The following PRR11 variants were observed in gnomAD, a reference collection of about 807,000 sequenced individuals.
PRR11 encodes proline rich 11.
PRR11 carries 30 observed loss-of-function variants against 45.6 expected under a neutral mutation model. That is an observed-to-expected ratio of 0.66 (90% CI 0.49 to 0.89). The LOEUF is 0.89. Among genes scored for constraint, PRR11 ranks in the 40% least tolerant of loss-of-function variants. The pLI is 0.00. For missense variants in PRR11, 373 were observed against 424.8 expected, an observed-to-expected ratio of 0.88 and a Z score of 1.07; for synonymous variants, 128 against 153.5, an observed-to-expected ratio of 0.83 and a Z score of 1.23.
intron 1 of PRR11, among the ~76,000 whole-genome samples, chr17:59,162,805 C>T (rs1001026168): frequency 3.4e-5 from 5 of 149,200 alleles, no homozygotes; most frequent in Non-Finnish European, 7.4e-5. Flanking sequence ...CTCGGCTCAC[C>T]GCAACCTCCA....
chr17:59,176,183 G>A (rs2046744370), intron 2 of PRR11, among the ~76,000 whole-genome samples: 2 of 152,180 alleles, frequency 1.3e-5, no homozygotes, highest in African/African-American at 2.4e-5. Flanking sequence ...ACGCAAAGTC[G>A]AGTGGAGGGC....
intron 1 of PRR11, among the ~76,000 whole-genome samples, chr17:59,161,207 G>C (rs552503695): frequency 6.6e-6 from 1 of 152,162 alleles, no homozygotes; most frequent in South Asian, 2.1e-4. Flanking sequence ...AGCAGTTCAA[G>C]ACCAGCCAGG....
At chr17:59,168,533 T>G (rs1235301888) in intron 1 of PRR11, among the ~76,000 whole-genome samples, 1 of 151,958 alleles carries the variant, frequency 6.6e-6, no homozygotes, top group Non-Finnish European at 1.5e-5. Flanking sequence ...CCCAGCACTT[T>G]GGGATTACGC....
intron 2 of PRR11, among the ~76,000 whole-genome samples, chr17:59,180,496 G>GC (rs1555716453): frequency 3.0e-5 from 3 of 101,388 alleles, no homozygotes; most frequent in African/African-American, 1.6e-4. Flanking sequence ...GCCCGTCCTT[G>GC]TTTTTTTTTT....
chr17:59,174,343 C>G (rs980820055), intron 2 of PRR11, among the ~76,000 whole-genome samples: 14 of 152,230 alleles, frequency 9.2e-5, no homozygotes, highest in Admixed American at 9.2e-4. Flanking sequence ...ATAATCCTAC[C>G]TCCTCATGAT....
intron 2 of PRR11, among the ~76,000 whole-genome samples, chr17:59,184,850 G>GATT (rs772123147): frequency 1.4e-5 from 1 of 72,692 alleles, no homozygotes. Flanking sequence ...GCCTGATTAA[G>GATT]TTTTTTTTTT....
intron 1 of PRR11, chr17:59,160,935 C>G (rs1345594717): frequency 6.6e-6 from 1 of 151,106 alleles, no homozygotes; most frequent in Admixed American, 6.6e-5. Flanking sequence ...GGGACTCTCA[C>G]TGTGTTGCCC....
chr17:59,192,030 A>G (rs1347404577), intron 4 of PRR11, among the ~76,000 whole-genome samples: 3 of 152,172 alleles, frequency 2.0e-5, no homozygotes, highest in Non-Finnish European at 1.5e-5. Context: ...ACCTGTAAAT[A>G]CTGCCTTATT....
At position 59,185,141 on chromosome 17, in the gene PRR11, A is replaced by G; in HGVS notation, c.216A>G (p.Ala72=). The change falls in exon 3 of 10, where the codon GCA becomes GCG. Residue 72 remains alanine (A), a synonymous_variant. Transcript: ENST00000262293. The part of the protein sequence containing the change: ...WNFNFPNIRD[A]IKLWTNRVWS... ...TCAATTTTCCTAACATCAGAGATGCAATAAAACTTTGGACAAATAGAGTAT... is the reference window on the plus strand; with the variant it reads ...TCAATTTTCCTAACATCAGAGATGCGATAAAACTTTGGACAAATAGAGTAT... 2 of 1,614,048 alleles carry G rather than the reference A, an allele frequency of 1.2e-6. No individual in the cohort carries two copies. The highest frequency in any genetic ancestry group is 1.7e-6 in the Non-Finnish European group (2 of 1,179,954).
intron 5 of PRR11, 80 bp from the exon 6 acceptor site, chr17:59,194,677 T>G: frequency 8.9e-7 from 1 of 1,119,002 alleles, no homozygotes; most frequent in Non-Finnish European, 1.3e-6. Context: ...ACTCTGAGTC[T>G]TTAAAAACTA....
intron 5 of PRR11, among the ~76,000 whole-genome samples, chr17:59,194,490 GA>G (rs1373985764): frequency 6.6e-5 from 10 of 152,082 alleles, no homozygotes; most frequent in African/African-American, 2.4e-4. Flanking sequence ...AATATTGCAG[GA>G]AACTAGTCCA....
At chr17:59,196,522 G>A (rs562020306) in intron 7 of PRR11, among the ~76,000 whole-genome samples, 50 of 151,988 alleles carry the variant, frequency 3.3e-4, no homozygotes, top group Middle Eastern at 3.4e-3. Context: ...GATTACAGGC[G>A]TGTGCCACAG....
chr17:59,170,349 T>TAA (rs2046701586), intron 2 of PRR11, among the ~76,000 whole-genome samples: 1 of 152,196 alleles, frequency 6.6e-6, no homozygotes, highest in Admixed American at 6.5e-5. Flanking sequence ...TGGAATATAT[T>TAA]TATACTAAAA....
At chr17:59,183,223 T>C (rs546534242) in intron 2 of PRR11, among the ~76,000 whole-genome samples, 17 of 152,230 alleles carry the variant, frequency 1.1e-4, no homozygotes, top group African/African-American at 4.1e-4. Context: ...ATCTTCAGGG[T>C]CTCCGCATCC....
chr17:59,179,585 T>C, intron 2 of PRR11: 1 of 1,491,894 alleles, frequency 6.7e-7, no homozygotes, highest in African/African-American at 1.4e-5. Context: ...AAAGTGTGGT[T>C]ATTGGAAGTT....
intron 1 of PRR11, among the ~76,000 whole-genome samples, chr17:59,159,927 A>G (rs1384366049): frequency 6.6e-6 from 1 of 152,060 alleles, no homozygotes; most frequent in African/African-American, 2.4e-5. Context: ...CCCATACACT[A>G]TTGTATACCT....
intron 2 of PRR11, among the ~76,000 whole-genome samples, chr17:59,180,519 G>GTTTTTT (rs71300619): frequency 8.1e-6 from 1 of 122,928 alleles, no homozygotes; most frequent in Non-Finnish European, 1.6e-5. Context: ...TGTTTTTTTT[G>GTTTTTT]TTTTTTTTGC....
chr17:59,177,508 G>A (rs974315728), intron 2 of PRR11, among the ~76,000 whole-genome samples: 36 of 152,128 alleles, frequency 2.4e-4, no homozygotes, highest in Non-Finnish European at 4.9e-4. Context: ...TTGAAGGAGT[G>A]TGTCTAGGTC....
Position 59,185,198 on chromosome 17 carries a change from A to G in PRR11, c.273A>G (p.Ile91Met). The change falls in exon 3 of 10, where the codon ATA becomes ATG. Residue 91 changes from isoleucine (I) to methionine (M), a missense_variant. Transcript: ENST00000262293. ...WSIYSWCQNCITQSLEVLKDT... is the reference protein window; with the variant it reads ...WSIYSWCQNCMTQSLEVLKDT... ...TATACAGCTGGTGCCAGAACTGCAT[A>G]ACCCAGGTATGGATGTGACATCCCT... 2 of 1,613,832 alleles carry G rather than the reference A, an allele frequency of 1.2e-6. No homozygotes were observed.
Sources: allele counts gnomAD v4.1 joint callset (sites outside exome capture counted in the v4.1 genomes callset), GRCh38; gene constraint gnomAD v4.1.1; transcripts MANE v1.5; gene names NCBI Gene and HGNC (gene_info 2026-07-23, HGNC 2026-07-21).